The following CAPN13 variants were observed in gnomAD, a reference collection of about 807,000 sequenced individuals.
CAPN13 encodes calpain 13, also known as calpain-13.
CAPN13 carries 90 observed loss-of-function variants against 98.4 expected under a neutral mutation model. That is an observed-to-expected ratio of 0.92 (90% CI 0.77 to 1.09). The LOEUF is 1.09. Ranked by LOEUF, CAPN13 falls within the 50% of genes least tolerant of loss-of-function variation. The pLI is 0.00. For synonymous variants in CAPN13, 330 were observed against 305.5 expected, an observed-to-expected ratio of 1.08 and a Z score of -0.84; for missense variants, 887 against 841.3, an observed-to-expected ratio of 1.05 and a Z score of -0.67.
intron 4 of CAPN13, among the ~76,000 whole-genome samples, chr2:30,771,709 A>G (rs559437464): frequency 2.0e-5 from 3 of 152,360 alleles, no homozygotes; most frequent in South Asian, 4.1e-4. Context: ...GGGTGGCAGC[A>G]TATAGTAGAC....
chr2:30,798,669 A>T (rs1558349807), intron 1 of CAPN13, among the ~76,000 whole-genome samples: 2 of 152,222 alleles, frequency 1.3e-5, no homozygotes, highest in Non-Finnish European at 2.9e-5. Context: ...GGTGTTTTTC[A>T]GAACAATGGA....
chr2:30,756,969 G>A (rs1672484188), intron 8 of CAPN13, among the ~76,000 whole-genome samples: 1 of 152,154 alleles, frequency 6.6e-6, no homozygotes, highest in Admixed American at 6.5e-5. Flanking sequence ...TGGGGGATCG[G>A]AGCGGTCCTG....
chr2:30,761,542 A>T (rs1372592430), intron 7 of CAPN13, among the ~76,000 whole-genome samples: 1 of 152,138 alleles, frequency 6.6e-6, no homozygotes, highest in Non-Finnish European at 1.5e-5. Flanking sequence ...GGGTACACGA[A>T]TCCCTTCTCC....
rs995196151 is a variant in CAPN13, at chr2:30,722,940, A to C, written c.*327T>G. ...CTGGCTCTTCCAAGAAATGAATCCA[A>C]CTGGTGACAGGGGACTCAGAGACAA... On this transcript the variant is annotated 3_prime_UTR_variant, in exon 23 of 23. Transcript: ENST00000295055. 121 of 152,390 alleles carry C rather than the reference A, an allele frequency of 7.9e-4. 1 individual carries two copies. The highest frequency in any genetic ancestry group is 2.7e-3 in the African/African-American group (113 of 41,598). The allele number at this position is 152,390 out of a possible 1,614,324, so 9.4% of individuals were successfully genotyped here. A position where few individuals can be genotyped will look rare whatever the true frequency, so the allele number is the denominator to read the frequency against.
chr2:30,772,104 A>G (rs1042857051), intron 4 of CAPN13, among the ~76,000 whole-genome samples: 4 of 152,100 alleles, frequency 2.6e-5, no homozygotes, highest in African/African-American at 9.7e-5. Flanking sequence ...TGCTCTCCCT[A>G]TACAAAGGGG....
chr2:30,732,671 C>T (rs1375402710), intron 19 of CAPN13, 105 bp from the exon 20 acceptor site: 1 of 1,392,086 alleles, frequency 7.2e-7, no homozygotes, highest in Admixed American at 2.5e-5. Context: ...CCACCTCCCA[C>T]CAACTCCTCC....
chr2:30,741,325 T>C (rs1671642922), intron 15 of CAPN13: 5 of 940,820 alleles, frequency 5.3e-6, no homozygotes, highest in Non-Finnish European at 6.3e-6. Context: ...GGCGGCAGGG[T>C]AGAGATGATC....
chr2:30,737,504 C>G (rs1671433578), intron 17 of CAPN13: 1 of 152,382 alleles, frequency 6.6e-6, no homozygotes, highest in African/African-American at 2.4e-5. Flanking sequence ...GGAGGAGGGT[C>G]AGGAGTCTGG....
chr2:30,742,773 G>A (rs1196251789), intron 13 of CAPN13, among the ~76,000 whole-genome samples: 2 of 152,182 alleles, frequency 1.3e-5, no homozygotes, highest in Non-Finnish European at 2.9e-5. Flanking sequence ...GAGGAGACAA[G>A]GGGCCCAGTG....
intron 7 of CAPN13, 126 bp from the exon 8 acceptor site, chr2:30,758,263 G>GA (rs1672561867): frequency 3.0e-5 from 19 of 633,756 alleles, no homozygotes; most frequent in Non-Finnish European, 4.4e-5. Context: ...GCTGCAGCCA[G>GA]AAAAAAAATT....
At chr2:30,782,945 G>A (rs898646889) in intron 2 of CAPN13, among the ~76,000 whole-genome samples, 4 of 152,094 alleles carry the variant, frequency 2.6e-5, no homozygotes, top group Admixed American at 1.3e-4. Context: ...AGTTGCATCA[G>A]TCACATTTCA....
intron 3 of CAPN13, among the ~76,000 whole-genome samples, chr2:30,776,362 G>A (rs1673692791): frequency 6.6e-6 from 1 of 152,078 alleles, no homozygotes; most frequent in Non-Finnish European, 1.5e-5. Context: ...CTCCACAGCT[G>A]CACCAAGCCC....
rs369483477 is a variant in CAPN13, at chr2:30,764,131, C to A, written c.699+1G>T. 1 of 1,562,918 alleles carries A rather than the reference C, an allele frequency of 6.4e-7. No individual in the cohort carries two copies. Among genetic ancestry groups the A allele is most frequent in the Non-Finnish European group, 8.7e-7 (1 of 1,153,284 alleles). Reference sequence around the variant, plus strand: ...TGCAAAAGGGCTCCCCAGTGACTTACCCCACTTGGAGTGGCACAGGTTATC... The same window carrying A: ...TGCAAAAGGGCTCCCCAGTGACTTAACCCACTTGGAGTGGCACAGGTTATC... On this transcript the variant is annotated splice_donor_variant, in intron 6 of 22. Transcript: ENST00000295055. LOFTEE classifies it high-confidence loss of function.
chr2:30,770,170 G>T, intron 5 of CAPN13, 143 bp downstream of exon 5: 1 of 1,129,312 alleles, frequency 8.9e-7, no homozygotes, highest in Admixed American at 2.6e-5. Flanking sequence ...GCCCCAACAT[G>T]GACCTTTGCA....
chr2:30,755,689 G>A (rs1289540390), intron 8 of CAPN13, among the ~76,000 whole-genome samples: 1 of 152,190 alleles, frequency 6.6e-6, no homozygotes, highest in East Asian at 1.9e-4. Context: ...TGCATGGGGA[G>A]CCTGGGTCCC....
At chr2:30,802,544 G>A (rs1056987612) in intron 1 of CAPN13, among the ~76,000 whole-genome samples, 1 of 11,868 alleles carries the variant, frequency 8.4e-5, no homozygotes, top group Non-Finnish European at 1.9e-4. Context: ...AGGCAGGCTG[G>A]GGGGGGGGGG....
intron 22 of CAPN13, among the ~76,000 whole-genome samples, chr2:30,724,482 T>G (rs866752065): frequency 6.6e-6 from 1 of 152,232 alleles, no homozygotes; most frequent in South Asian, 2.1e-4. Context: ...ATAGCGCTGG[T>G]CCTTGGACTT....
intron 1 of CAPN13, among the ~76,000 whole-genome samples, chr2:30,797,970 C>T (rs542557475): frequency 1.3e-5 from 2 of 152,282 alleles, no homozygotes; most frequent in African/African-American, 2.4e-5. Flanking sequence ...AAACACATGT[C>T]CAGTGGAAAG....
At chr2:30,753,981 A>G (rs1354734362) in intron 9 of CAPN13, among the ~76,000 whole-genome samples, 1 of 152,194 alleles carries the variant, frequency 6.6e-6, no homozygotes, top group African/African-American at 2.4e-5. Context: ...GGATATGGGC[A>G]TGACAACCAT....
Sources: gnomAD v4.1 joint callset for allele counts (sites outside exome capture counted in the v4.1 genomes callset) on GRCh38, gnomAD v4.1.1 for gene constraint, MANE v1.5 for transcripts, NCBI Gene and HGNC (gene_info 2026-07-23, HGNC 2026-07-21) for gene names.